The following MMP26 variants were observed in gnomAD, a reference collection of about 807,000 sequenced individuals.
MMP26 encodes the protein matrix metallopeptidase 26.
Under a neutral mutation model 31.0 loss-of-function variants are expected in MMP26, and 33 were observed. The observed-to-expected ratio is 1.06, with a 90% CI of 0.81 to 1.42. The LOEUF (loss-of-function observed/expected upper bound fraction) is 1.42, where lower values mean the gene tolerates loss of function less well. Ranked by LOEUF, MMP26 falls within the 40% of genes most tolerant of loss-of-function variation. The pLI is 0.00. For synonymous variants in MMP26, 122 were observed against 114.9 expected (o/e 1.06, Z -0.40); for missense variants, 347 against 316.1 (o/e 1.10, Z -0.74).
intron 2 of MMP26, among the ~76,000 whole-genome samples, chr11:4,879,242 G>T (rs369108373): frequency 4.6e-5 from 7 of 152,100 alleles, no homozygotes; most frequent in East Asian, 1.9e-4. Flanking sequence ...TCAAGACAGG[G>T]GAAAGTACAA....
intron 2 of MMP26, among the ~76,000 whole-genome samples, chr11:4,818,267 T>C (rs17327845): frequency 0.099 from 15,109 of 152,234 alleles, 918 homozygotes; most frequent in Middle Eastern, 0.17. Context: ...TTGGTAAATA[T>C]TTTTTCCATC....
chr11:4,857,977 C>T (rs1381041321), intron 2 of MMP26, among the ~76,000 whole-genome samples: 1 of 152,156 alleles, frequency 6.6e-6, no homozygotes, highest in Non-Finnish European at 1.5e-5. Flanking sequence ...ACAAAAACCA[C>T]ATGATTATCT....
chr11:4,735,153 G>T (rs1001133621), intron 1 of MMP26, among the ~76,000 whole-genome samples: 1 of 152,210 alleles, frequency 6.6e-6, no homozygotes, highest in African/African-American at 2.4e-5. Context: ...AGTATGCCTA[G>T]CTGTGGGGAA....
At chr11:4,979,138 T>C (rs1205513603) in intron 2 of MMP26, among the ~76,000 whole-genome samples, 3 of 152,084 alleles carry the variant, frequency 2.0e-5, no homozygotes, top group Admixed American at 6.6e-5. Flanking sequence ...GGGGCATCCA[T>C]AGGAGCAAAA....
intron 2 of MMP26, among the ~76,000 whole-genome samples, chr11:4,900,036 C>T (rs2570577): frequency 1 from 151,794 of 152,268 alleles, 75,663 homozygotes; most frequent in Middle Eastern, 1. Flanking sequence ...TTGTACATGA[C>T]GCATCTGGGG....
intron 2 of MMP26, among the ~76,000 whole-genome samples, chr11:4,896,947 A>G (rs1011165141): frequency 1.3e-5 from 2 of 152,132 alleles, no homozygotes; most frequent in African/African-American, 4.8e-5. Context: ...CATCATTGCA[A>G]AATGTCTCTT....
In MMP26 at chr11:4,785,941, T is replaced by C. The variant is rs369575178; in HGVS notation, c.-145+18600T>C. Among the ~76,000 whole-genome samples, 6 of 152,298 alleles carry C rather than the reference T, an allele frequency of 3.9e-5. No homozygotes were observed. In the East Asian group the frequency reaches 7.7e-4, roughly 20 times the overall value. On this transcript the variant is annotated intron_variant, in intron 2 of 7. Transcript: ENST00000380390. ...ATTGGGGAGGCACTAGGGTTTTGCC[T>C]GAGGAAATCTTACTCAGATGACAAT...
At chr11:4,751,685 A>T (rs1362499493) in intron 1 of MMP26, among the ~76,000 whole-genome samples, 3 of 152,172 alleles carry the variant, frequency 2.0e-5, no homozygotes, top group African/African-American at 7.2e-5. Flanking sequence ...CATATGAAAT[A>T]AAAATAAAAT....
chr11:4,882,182 A>G (rs775747217), intron 2 of MMP26: 2 of 1,613,918 alleles, frequency 1.2e-6, no homozygotes, highest in South Asian at 2.2e-5. Flanking sequence ...CCGGGAGATC[A>G]GCTTTAAAGC....
intron 1 of MMP26, chr11:4,710,117 C>T (rs911951983): frequency 2.2e-6 from 1 of 456,806 alleles, no homozygotes; most frequent in Non-Finnish European, 4.4e-6. Context: ...ACTGCTTCCA[C>T]CCTGATGCGA....
rs543848099 is a variant in MMP26 at position 4,856,124 on chromosome 11, A to G, written c.-145+88783A>G. On this transcript the variant is annotated intron_variant, in intron 2 of 7. Coordinates refer to ENST00000380390, the MANE Select transcript of MMP26 (RefSeq NM_021801.5). ...AGCAGCCACTGAAAAAACATGCCAA[A>G]TTGTAAAGACCATCGATGCTAGGAA... Among the ~76,000 whole-genome samples, 658 of 152,348 alleles carry G rather than the reference A, an allele frequency of 4.3e-3. 6 individuals carry two copies. The highest frequency in any genetic ancestry group is 6.8e-3 in the Middle Eastern group (2 of 292).
intron 2 of MMP26, among the ~76,000 whole-genome samples, chr11:4,811,814 A>G (rs1849352957): frequency 1.3e-5 from 2 of 152,124 alleles, no homozygotes; most frequent in Non-Finnish European, 2.9e-5. Flanking sequence ...CATTTATCAG[A>G]CTACCCACAC....
intron 2 of MMP26, among the ~76,000 whole-genome samples, chr11:4,797,273 T>C (rs889201591): frequency 2.6e-5 from 4 of 152,170 alleles, no homozygotes; most frequent in African/African-American, 9.7e-5. Context: ...AAAGAATGAA[T>C]GAATGAATTT....
Position 4,855,412 on chromosome 11 carries a change from C to T in MMP26, c.-145+88071C>T, listed in dbSNP as rs1314868554. On this transcript the variant is annotated intron_variant, in intron 2 of 7. Coordinates refer to ENST00000380390, the MANE Select transcript of MMP26 (RefSeq NM_021801.5). The stretch of plus-strand genomic sequence containing the variant: ...TGAGCTGGAAACCATGGCACGAGAA[C>T]TACGTGATGCATGCACAAGCTTCAG... Among the ~76,000 whole-genome samples the T allele has an allele frequency of 2.0e-5, 3 of 152,114 alleles. 1 individual carries two copies. Among genetic ancestry groups the T allele is most frequent in the Admixed American group, 1.3e-4 (2 of 15,270 alleles).
At chr11:4,893,017 G>A (rs1850649882) in intron 2 of MMP26, among the ~76,000 whole-genome samples, 1 of 151,928 alleles carries the variant, frequency 6.6e-6, no homozygotes, top group Non-Finnish European at 1.5e-5. Context: ...TTGAAATTCT[G>A]CTTGATTCCT....
chr11:4,706,424 T>C (rs1847778060), intron 1 of MMP26, among the ~76,000 whole-genome samples: 2 of 151,224 alleles, frequency 1.3e-5, no homozygotes, highest in Admixed American at 1.3e-4. Flanking sequence ...TATCCAGGCA[T>C]GATGGTGTGT....
chr11:4,943,951 C>A (rs1265516392), intron 2 of MMP26: 1 of 410,692 alleles, frequency 2.4e-6, no homozygotes, highest in Non-Finnish European at 4.8e-6. Flanking sequence ...ATTAAAGCCA[C>A]CTAATTACTC....
intron 2 of MMP26, among the ~76,000 whole-genome samples, chr11:4,956,200 G>A (rs867522314): frequency 5.9e-5 from 9 of 152,190 alleles, no homozygotes; most frequent in South Asian, 2.1e-4. Context: ...ATATTTTGGC[G>A]GGCATTTTTG....
chr11:4,989,859 T>C lies in MMP26; in HGVS notation c.311T>C (p.Leu104Pro). ...PGRCKWNKHT[L>P]TYRIINYPHD... is the part of the protein sequence containing the mutation. ...AGATGCAAGTGGAATAAGCACACTC[T>C]AACTTACAGGTGCTTGTTACTAAGG... Residue 104 changes from leucine (L) to proline (P), a missense_variant, in exon 4 of 8, where the codon CTA becomes CCA. Physicochemically the swap from Leu to Pro is moderately conservative, Grantham distance 98 (BLOSUM62 -3). Transcript: ENST00000380390. The C allele has an allele frequency of 6.2e-7, 1 of 1,607,360 alleles. No homozygotes were observed. The highest frequency in any genetic ancestry group is 8.5e-7 in the Non-Finnish European group (1 of 1,179,534).
Sources: gnomAD v4.1 joint callset for allele counts (sites outside exome capture counted in the v4.1 genomes callset) on GRCh38, gnomAD v4.1.1 for gene constraint, MANE v1.5 for transcripts, NCBI Gene and HGNC (gene_info 2026-07-23, HGNC 2026-07-21) for gene names.